Variants in TEX15 observed in about 807,000 individuals in gnomAD.
TEX15 encodes the protein testis-expressed protein 15.
In TEX15, 171 loss-of-function variants were observed where a neutral mutation model predicts 237.3. The ratio of observed to expected loss-of-function variants is 0.72; its 90% CI spans 0.64 to 0.82. The LOEUF (loss-of-function observed/expected upper bound fraction) is 0.82, where lower values mean the gene tolerates loss of function less well. Ranked by LOEUF, TEX15 falls within the 40% of genes least tolerant of loss-of-function variation. The pLI is 0.00. For missense variants in TEX15, 3,750 were observed against 3,646.5 expected (o/e 1.03, Z -0.73); for synonymous variants, 1,338 against 1,269.8 (o/e 1.05, Z -1.14).
chr8:30,887,056 C>A (rs1051537252), intron 3 of TEX15, 111 bp downstream of exon 3: 53 of 955,750 alleles, frequency 5.5e-5, no homozygotes, highest in Non-Finnish European at 7.6e-5. Flanking sequence ...GAATTAGAGA[C>A]CTGAATTAAC....
At chr8:30,836,414 A>C (rs942908456) in intron 10 of TEX15, among the ~76,000 whole-genome samples, 2 of 151,618 alleles carry the variant, frequency 1.3e-5, no homozygotes, top group Admixed American at 6.6e-5. Flanking sequence ...GGGTTTCACT[A>C]TGTTGGCCAG....
intron 2 of TEX15, among the ~76,000 whole-genome samples, chr8:30,895,578 G>GCTCAGA (rs1486229393): frequency 6.7e-5 from 10 of 148,418 alleles, no homozygotes; most frequent in African/African-American, 2.0e-4. Context: ...TTTTAACGGA[G>GCTCAGA]CTCAGACTCA....
chr8:30,868,209 T>C (rs1219941919), intron 4 of TEX15, among the ~76,000 whole-genome samples: 1 of 152,144 alleles, frequency 6.6e-6, no homozygotes, highest in East Asian at 1.9e-4. Context: ...AAAAAGATTA[T>C]AATCTGAAGT....
At chr8:30,872,371 T>C (rs575774094) in intron 4 of TEX15, among the ~76,000 whole-genome samples, 1 of 152,166 alleles carries the variant, frequency 6.6e-6, no homozygotes, top group Non-Finnish European at 1.5e-5. Context: ...TCTGTGGTGA[T>C]GGTGGTGCAC....
chr8:30,875,379 A>G (rs912246099), intron 3 of TEX15, among the ~76,000 whole-genome samples: 2 of 152,230 alleles, frequency 1.3e-5, no homozygotes, highest in East Asian at 3.9e-4. Flanking sequence ...TTTCAACTTA[A>G]GATGTTGCAA....
rs1187571166 is a variant in TEX15, at chr8:30,848,337, G to A, written c.1830C>T (p.Ser610=). ...CAGTATTTTGAAGGTATTCATCAATGCTTACTTTCTTTTTGAGTGGAAAAA... is the reference window on the plus strand; with the variant it reads ...CAGTATTTTGAAGGTATTCATCAATACTTACTTTCTTTTTGAGTGGAAAAA... The part of the protein sequence containing the change: ...STVFPLKKKV[S]IDEYLQNTGK... The change falls in exon 8 of 11, where the codon AGC becomes AGT. Residue 610 remains serine, a synonymous_variant. Transcript: ENST00000643185. 6.2e-7 allele frequency: 1 copy of A among 1,613,960 alleles called. No homozygotes were observed. The highest frequency in any genetic ancestry group is 8.5e-7 in the Non-Finnish European group (1 of 1,180,004).
chr8:30,880,114 C>A (rs1292720309), intron 3 of TEX15, among the ~76,000 whole-genome samples: 1 of 152,084 alleles, frequency 6.6e-6, no homozygotes, highest in Non-Finnish European at 1.5e-5. Context: ...TTGCAACCTC[C>A]CCCTCCTGGG....
At chr8:30,865,442 C>A (rs1480669171) in intron 5 of TEX15, among the ~76,000 whole-genome samples, 1 of 152,120 alleles carries the variant, frequency 6.6e-6, no homozygotes, top group Admixed American at 6.6e-5. Flanking sequence ...GGAGGAGATA[C>A]TTCCAAACTC....
intron 3 of TEX15, among the ~76,000 whole-genome samples, chr8:30,886,545 T>C (rs1808649914): frequency 6.6e-6 from 1 of 152,134 alleles, no homozygotes; most frequent in South Asian, 2.1e-4. Flanking sequence ...AGGGAATGCA[T>C]TATTGCTGTG....
In TEX15 at chr8:30,887,152, C is replaced by A; in HGVS notation, c.136+15G>T. ...TAATAGTTACTAAAAAAATTCCCAA[C>A]CACAGAAATATTACCTTTCTCAGCT... On this transcript the variant is annotated intron_variant, in intron 3 of 10. Transcript: ENST00000643185. 2.6e-6 allele frequency: 4 copies of A among 1,519,734 alleles called. No individual in the cohort carries two copies. The highest frequency in any genetic ancestry group is 3.5e-6 in the Non-Finnish European group (4 of 1,141,688). 94.1% of individuals were successfully genotyped at this position (1,519,734 alleles called of 1,614,324 possible).
chr8:30,842,767 T>C lies in TEX15; in HGVS notation c.7400A>G (p.Asp2467Gly), dbSNP rs1807491937. 6.2e-7 allele frequency: 1 copy of C among 1,613,502 alleles called. No homozygotes were observed. ...FLKNSIAKKL[D>G]KQRFRGMLWF... Reference sequence around the variant, plus strand: ...AAGCATACCTCGAAACCTCTGTTTGTCTAGTTTCTTTGCTATTGAGTTTTT... The same window carrying C: ...AAGCATACCTCGAAACCTCTGTTTGCCTAGTTTCTTTGCTATTGAGTTTTT... Residue 2467 changes from aspartate (D) to glycine (G), a missense_variant, in exon 8 of 11, where the codon GAC becomes GGC. Coordinates refer to ENST00000643185, the MANE Select transcript of TEX15 (RefSeq NM_001350162.2).
intron 10 of TEX15, among the ~76,000 whole-genome samples, chr8:30,834,662 A>G (rs1807252587): frequency 6.6e-6 from 1 of 152,228 alleles, no homozygotes; most frequent in Non-Finnish European, 1.5e-5. Context: ...AGATTGTTCT[A>G]TGGTCCTACG....
chr8:30,851,032 A>G (rs1478886374), intron 7 of TEX15, among the ~76,000 whole-genome samples: 1 of 152,220 alleles, frequency 6.6e-6, no homozygotes, highest in African/African-American at 2.4e-5. Context: ...GGAAGTATAA[A>G]TTCGTACAAA....
chr8:30,875,084 T>G lies in TEX15; in HGVS notation c.155A>C (p.Tyr52Ser), dbSNP rs2128773276. The G allele has an allele frequency of 1.6e-6, 2 of 1,244,594 alleles. No individual in the cohort carries two copies. The highest frequency in any genetic ancestry group is 7.5e-5 in the South Asian group (2 of 26,660). The allele number at this position is 1,244,594 out of a possible 1,614,324, so 77.1% of individuals were successfully genotyped here. A position where few individuals can be genotyped will look rare whatever the true frequency, so the allele number is the denominator to read the frequency against. Residue 52 changes from tyrosine (Y) to serine (S), a missense_variant, in exon 4 of 11, where the codon TAC (tyrosine) becomes TCC (serine). By Grantham distance (144) the Tyr-to-Ser change is moderately radical. Coordinates refer to ENST00000643185, the MANE Select transcript of TEX15 (RefSeq NM_001350162.2). ...TAEKVYLSPC[Y>S]TNSREYSFIH... ...AAAACTATACTCTCTACTATTGGTGTAACAAGGTGACAAGTAAACTAAAGG... is the reference window on the plus strand; with the variant it reads ...AAAACTATACTCTCTACTATTGGTGGAACAAGGTGACAAGTAAACTAAAGG...
At chr8:30,909,109 G>T (rs772538352) in intron 1 of TEX15, among the ~76,000 whole-genome samples, 25 of 152,042 alleles carry the variant, frequency 1.6e-4, no homozygotes, top group Non-Finnish European at 3.1e-4. Context: ...CAGTGATTGT[G>T]TGTAGTTTTA....
intron 3 of TEX15, among the ~76,000 whole-genome samples, chr8:30,878,354 G>A (rs1297789871): frequency 6.6e-6 from 1 of 151,814 alleles, no homozygotes; most frequent in Non-Finnish European, 1.5e-5. Flanking sequence ...AGGGAAGGAC[G>A]GCTGGATCAT....
At chr8:30,851,225 A>G (rs945574220) in intron 7 of TEX15, among the ~76,000 whole-genome samples, 29 of 152,350 alleles carry the variant, frequency 1.9e-4, no homozygotes, top group African/African-American at 6.7e-4. Flanking sequence ...ATACATCAAT[A>G]TGAGACTGGC....
intron 3 of TEX15, among the ~76,000 whole-genome samples, chr8:30,878,798 T>G (rs1808458494): frequency 6.6e-6 from 1 of 152,220 alleles, no homozygotes; most frequent in Non-Finnish European, 1.5e-5. Flanking sequence ...TAGCTGGAAC[T>G]ACAAGCACAT....
chr8:30,880,344 T>C (rs1200772708), intron 3 of TEX15, among the ~76,000 whole-genome samples: 2 of 152,226 alleles, frequency 1.3e-5, no homozygotes, highest in Non-Finnish European at 1.5e-5. Context: ...AAAGTTATTT[T>C]AAATGGTATT....
Sources: allele counts gnomAD v4.1 joint callset (sites outside exome capture counted in the v4.1 genomes callset), GRCh38; gene constraint gnomAD v4.1.1; transcripts MANE v1.5; gene names NCBI Gene and HGNC (gene_info 2026-07-23, HGNC 2026-07-21).